DOCK9: variants seen among roughly 807,000 people sequenced by gnomAD.
The protein encoded by DOCK9 is dedicator of cytokinesis protein 9.
A neutral mutation model predicts 263.3 loss-of-function variants in DOCK9; 89 were observed. The observed-to-expected ratio is 0.34, with a 90% CI of 0.28 to 0.40. The LOEUF (loss-of-function observed/expected upper bound fraction) is 0.40. Among genes scored for constraint, DOCK9 ranks in the 10% least tolerant of loss-of-function variants. The pLI, the probability that DOCK9 is intolerant of heterozygous loss-of-function variation, is 1.00. For missense variants in DOCK9, 2,140 were observed against 2,603.4 expected (o/e 0.82, Z 3.87); for synonymous variants, 976 against 973.1 (o/e 1.00, Z -0.06).
Position 98,794,588 on chromosome 13 carries a change from G to C in DOCK9, c.*38C>G. The C allele has an allele frequency of 6.4e-7, 1 of 1,551,984 alleles. No homozygotes were observed. Among genetic ancestry groups the C allele is most frequent in the Non-Finnish European group, 8.7e-7 (1 of 1,146,854 alleles). ...TGGAAAGCATCCTGAGTTTGCAAAT[G>C]ACAAAGCAAGTCCCCACACACGGGC... On this transcript the variant is annotated 3_prime_UTR_variant, in exon 53 of 53. Transcript: ENST00000682017.
intron 1 of DOCK9, among the ~76,000 whole-genome samples, chr13:98,985,410 A>G (rs759730580): frequency 6.6e-6 from 1 of 151,040 alleles, no homozygotes; most frequent in Non-Finnish European, 1.5e-5. Context: ...CCCTACCCGC[A>G]GGTAGAAAGC....
chr13:99,086,332 A>T (rs1187924895), exon 1 of DOCK9: 2 of 1,459,548 alleles, frequency 1.4e-6, no homozygotes, highest in African/African-American at 3.0e-5. Context: ...CGAGGCGGGG[A>T]GCAGCGGCGG....
At chr13:98,993,541 C>T (rs1263945882) in intron 1 of DOCK9, among the ~76,000 whole-genome samples, 1 of 152,166 alleles carries the variant, frequency 6.6e-6, no homozygotes, top group East Asian at 1.9e-4. Flanking sequence ...GACTGATGGG[C>T]TTGTGATCAG....
intron 1 of DOCK9, among the ~76,000 whole-genome samples, chr13:99,002,291 C>A (rs189653345): frequency 7.0e-4 from 107 of 152,276 alleles, no homozygotes; most frequent in African/African-American, 2.3e-3. Context: ...TCTAATATCA[C>A]CCCTCAGGGG....
chr13:98,881,420 A>G (rs2044738173), intron 25 of DOCK9, 138 bp downstream of exon 25: 10 of 651,218 alleles, frequency 1.5e-5, no homozygotes, highest in South Asian at 8.5e-5. Flanking sequence ...AGGTACAAGC[A>G]TTGGCTATGA....
In DOCK9 at chr13:98,845,998, C is replaced by T. The variant is rs769177597; in HGVS notation, c.4124G>A (p.Arg1375His). The T allele has an allele frequency of 1.2e-5, 19 of 1,610,456 alleles. No individual in the cohort carries two copies. Among genetic ancestry groups the T allele is most frequent in the African/African-American group, 4.0e-5 (3 of 74,898 alleles). Residue 1375 changes from arginine to histidine, a missense_variant, in exon 38 of 53, where the codon CGT (arginine) becomes CAT (histidine). Arg to His is a conservative substitution (Grantham distance 29). This residue lies in a region of DOCK9 where 1,521 missense variants were observed against 1,741.7 expected (regional missense o/e 0.87). Coordinates refer to ENST00000682017, the MANE Select transcript of DOCK9 (RefSeq NM_001366683.2). ...GGCATGCATCATTCCTGTTCTGTTA[C>T]GGGAAACAGGCAATGTCTGAGACTT... ...DRKSQTLPVS[R>H]NRTGMMHARL... is the part of the protein sequence containing the mutation.
chr13:98,825,981 C>T lies in DOCK9; in HGVS notation c.5023+849G>A. 3 of 1,444,362 alleles carry T rather than the reference C, an allele frequency of 2.1e-6. No individual in the cohort carries two copies. Among genetic ancestry groups the T allele is most frequent in the Non-Finnish European group, 2.8e-6 (3 of 1,086,046 alleles). 89.5% of individuals were successfully genotyped at this position (1,444,362 alleles called of 1,614,324 possible). On this transcript the variant is annotated intron_variant, in intron 44 of 52. Coordinates refer to ENST00000682017, the MANE Select transcript of DOCK9 (RefSeq NM_001366683.2). The surrounding 1 kb of genome is among the most constrained non-coding windows in gnomAD (Gnocchi z 4.1). ...TGCATCACCTGATAAAAGGTCTCAACAGGAAATAGTACCGGTATTAAATGA... is the reference window on the plus strand; with the variant it reads ...TGCATCACCTGATAAAAGGTCTCAATAGGAAATAGTACCGGTATTAAATGA...
Position 98,977,938 on chromosome 13 carries a change from C to A in DOCK9, c.-29G>T, listed in dbSNP as rs753977774. 5.8e-6 allele frequency: 9 copies of A among 1,558,310 alleles called. No individual in the cohort carries two copies. In the African/African-American group the frequency reaches 1.2e-4, roughly 21 times the overall value. On this transcript the variant is annotated 5_prime_UTR_variant, in exon 1 of 53. Coordinates refer to ENST00000682017, the MANE Select transcript of DOCK9 (RefSeq NM_001366683.2). ...CGGCTGAAAACGCAAGTCAGAAAGT[C>A]TGCAACTGGAACAGCTGCGAGTCCC... is the stretch of plus-strand genomic sequence containing the variant.
intron 1 of DOCK9, chr13:99,015,476 C>T (rs1400963585): frequency 6.3e-7 from 1 of 1,596,716 alleles, no homozygotes; most frequent in African/African-American, 1.3e-5. Context: ...AGTTCTGAAT[C>T]TTCTTTTGTC....
intron 1 of DOCK9, among the ~76,000 whole-genome samples, chr13:99,033,152 A>G (rs543619719): frequency 6.6e-6 from 1 of 152,392 alleles, no homozygotes; most frequent in South Asian, 2.1e-4. Context: ...GTTGAGAACT[A>G]AAAACTAAAA....
intron 52 of DOCK9, chr13:98,796,156 C>A: frequency 2.1e-6 from 3 of 1,445,536 alleles, no homozygotes; most frequent in Non-Finnish European, 2.9e-6. Context: ...AAAGTAATAG[C>A]TTTTTCTAAG....
chr13:98,796,303 A>C, intron 52 of DOCK9: 1 of 1,072,974 alleles, frequency 9.3e-7, no homozygotes, highest in Non-Finnish European at 1.4e-6. Flanking sequence ...TGTACTAACT[A>C]AACTGTCAGG....
At chr13:98,898,846 GTTGA>G (rs796735621) in intron 13 of DOCK9, among the ~76,000 whole-genome samples, 6 of 152,114 alleles carry the variant, frequency 3.9e-5, no homozygotes, top group Non-Finnish European at 5.9e-5. Context: ...TTGGTTTGTT[GTTGA>G]TTGATTGATT....
At chr13:98,911,664 G>C (rs1355438682) in intron 9 of DOCK9, among the ~76,000 whole-genome samples, 1 of 151,838 alleles carries the variant, frequency 6.6e-6, no homozygotes, top group Non-Finnish European at 1.5e-5. Flanking sequence ...GGAGGCTGAG[G>C]TGGGTGGATC....
chr13:98,954,863 T>TACACACACACACACACACACACACAC (rs71719426), intron 2 of DOCK9, among the ~76,000 whole-genome samples: 4 of 146,478 alleles, frequency 2.7e-5, no homozygotes, highest in Admixed American at 2.0e-4. Context: ...TTATTCAAGA[T>TACACACACACACACACACACACACAC]ACACACACAC....
intron 1 of DOCK9, among the ~76,000 whole-genome samples, chr13:99,016,373 T>C (rs1171151407): frequency 1.3e-5 from 2 of 152,130 alleles, no homozygotes; most frequent in African/African-American, 4.8e-5. Context: ...ACCTCTACTC[T>C]TTGCTAGAGA....
At chr13:98,797,306 T>C in intron 51 of DOCK9, 53 bp from the exon 52 acceptor site, 1 of 1,611,670 alleles carries the variant, frequency 6.2e-7, no homozygotes, top group East Asian at 2.2e-5. Context: ...AAGGCATGAG[T>C]CCAACCAGCA....
At chr13:98,927,123 T>C (rs2053100701) in intron 3 of DOCK9, among the ~76,000 whole-genome samples, 1 of 152,344 alleles carries the variant, frequency 6.6e-6, no homozygotes, top group Non-Finnish European at 1.5e-5. Flanking sequence ...TTCTGAGAGG[T>C]GGAATAAATG....
chr13:99,049,850 T>G lies in DOCK9; in HGVS notation c.129+36373A>C, dbSNP rs559401855. On this transcript the variant is annotated intron_variant, in intron 1 of 32. Coordinates refer to the DOCK9 transcript ENST00000427887. ...AAATTTTTGAAAGCAGGACACATACTGTATTATCAGATAATGATCCCTAAC... is the reference window on the plus strand; with the variant it reads ...AAATTTTTGAAAGCAGGACACATACGGTATTATCAGATAATGATCCCTAAC... Among the ~76,000 whole-genome samples, 69 of 152,318 alleles carry G rather than the reference T, an allele frequency of 4.5e-4. 1 individual carries two copies. The South Asian group carries it at 0.014, about 32-fold the overall frequency.
Sources: gnomAD v4.1 joint callset for allele counts (sites outside exome capture counted in the v4.1 genomes callset) on GRCh38, gnomAD v4.1.1 for gene constraint, gnomAD v4.1.1 regional missense constraint, Gnocchi (gnomAD v3.1) non-coding constraint, MANE v1.5 for transcripts, NCBI Gene and HGNC (gene_info 2026-07-23, HGNC 2026-07-21) for gene names.